The following GABRA3 variants were observed in gnomAD, a reference collection of about 807,000 sequenced individuals.
GABRA3 encodes gamma-aminobutyric acid receptor subunit alpha-3.
Under a neutral mutation model 30.1 loss-of-function variants are expected in GABRA3, and 10 were observed. The ratio of observed to expected loss-of-function variants is 0.33; its 90% confidence interval spans 0.20 to 0.56. The LOEUF is 0.56. Ranked by LOEUF, GABRA3 falls within the 20% of genes least tolerant of loss-of-function variation. GABRA3 has a pLI of 0.89. For synonymous variants in GABRA3, 151 were observed against 146.8 expected, an observed-to-expected ratio of 1.03 and a Z score of -0.21; for missense variants, 233 against 392.0, an observed-to-expected ratio of 0.59 and a Z score of 3.42.
At chrX:152,334,200 G>C (rs1940201540) in intron 3 of GABRA3, among the ~76,000 whole-genome samples, 3 of 111,521 alleles carry the variant, frequency 2.7e-5, no homozygotes, top group Admixed American at 1.9e-4. Flanking sequence ...ACTAGGAGTA[G>C]AAGAAAACTT....
chrX:152,235,423 T>C (rs1472314920), intron 5 of GABRA3, among the ~76,000 whole-genome samples: 2 of 111,223 alleles, frequency 1.8e-5, no homozygotes, highest in Non-Finnish European at 3.8e-5. Flanking sequence ...GACATCTAAA[T>C]AGGAAAGGAA....
intron 3 of GABRA3, among the ~76,000 whole-genome samples, chrX:152,310,938 T>G (rs1939790023): frequency 9.0e-6 from 1 of 111,324 alleles, no homozygotes; most frequent in Non-Finnish European, 1.9e-5. Context: ...AGCACCTCTA[T>G]GATCACAAAC....
At chrX:152,298,466 C>G (rs548260163) in intron 3 of GABRA3, among the ~76,000 whole-genome samples, 2 of 105,773 alleles carry the variant, frequency 1.9e-5, no homozygotes, top group Non-Finnish European at 3.9e-5. Flanking sequence ...TGAGTGAGAA[C>G]ATGCGGTGTT....
At position 152,257,570 on chromosome X, in the gene GABRA3, T is replaced by G. The variant is rs141426994; in HGVS notation, c.331-1572A>C. Among the ~76,000 whole-genome samples, 495 of 112,837 alleles carry G rather than the reference T, an allele frequency of 4.4e-3. 3 individuals carry two copies. The highest frequency in any genetic ancestry group is 0.015 in the African/African-American group (472 of 31,121). ...AGATTAGCCATTCTGGCATTTCTCT[T>G]CCTTTAGTAGACCAAAAACATTCCT... On this transcript the variant is annotated intron_variant, in intron 4 of 9. Transcript: ENST00000370314.
chrX:152,420,202 G>A (rs1423268687), intron 1 of GABRA3, among the ~76,000 whole-genome samples: 1 of 111,192 alleles, frequency 9.0e-6, no homozygotes, highest in Non-Finnish European at 1.9e-5. Context: ...TTTCCCCCAA[G>A]GTCAGGAATG....
At position 152,298,513 on chromosome X, in the gene GABRA3, T is replaced by C. The variant is rs7058336; in HGVS notation, c.263-13778A>G. On this transcript the variant is annotated intron_variant, in intron 3 of 9. Coordinates refer to ENST00000370314, the MANE Select transcript of GABRA3 (RefSeq NM_000808.4). ...CCTTGCGATAGTTTGCTGAGAATGATGGTTTCCAGCTTCATCCATGTCCCT... is the reference window on the plus strand; with the variant it reads ...CCTTGCGATAGTTTGCTGAGAATGACGGTTTCCAGCTTCATCCATGTCCCT... Among the ~76,000 whole-genome samples the C allele has an allele frequency of 8.8e-3, 969 of 109,839 alleles. 17 individuals carry two copies. The highest frequency in any genetic ancestry group is 0.03 in the African/African-American group (899 of 29,925).
At chrX:152,408,594 G>A (rs753144103) in intron 1 of GABRA3, among the ~76,000 whole-genome samples, 1 of 111,146 alleles carries the variant, frequency 9.0e-6, no homozygotes, top group Admixed American at 9.6e-5. Flanking sequence ...GATAGTTCAC[G>A]GATTTTAGAA....
intron 8 of GABRA3, among the ~76,000 whole-genome samples, chrX:152,190,726 TGTGA>T (rs1937313264): frequency 9.0e-6 from 1 of 110,652 alleles, no homozygotes; most frequent in Non-Finnish European, 1.9e-5. Flanking sequence ...ATCTGTTTCT[TGTGA>T]GTTTTTGCCA....
In GABRA3 at chrX:152,429,304, T is replaced by G. The variant is rs928311169; in HGVS notation, c.-27+21842A>C. 2.9e-5 allele frequency among the ~76,000 whole-genome samples: 3 copies of G among 103,949 alleles called. No homozygotes were observed. The Admixed American group carries it at 3.1e-4, about 11-fold the overall frequency. 90.3% of individuals were successfully genotyped at this position (103,949 alleles called of 115,157 possible). On this transcript the variant is annotated intron_variant, in intron 1 of 9. Transcript: ENST00000370314. ...CTCCCTCCCTCCCTCCCTCTCTTTC[T>G]CCAGATTACCATTTTAGCCAAAGCA...
intron 1 of GABRA3, among the ~76,000 whole-genome samples, chrX:152,449,149 A>G (rs1276484495): frequency 8.9e-6 from 1 of 112,278 alleles, no homozygotes; most frequent in Non-Finnish European, 1.9e-5. Flanking sequence ...ATTAAGAAAA[A>G]GCAAATTTGT....
chrX:152,352,631 T>G (rs1940495177), intron 2 of GABRA3, among the ~76,000 whole-genome samples: 1 of 111,744 alleles, frequency 8.9e-6, no homozygotes, highest in South Asian at 3.7e-4. Context: ...ACTTACTTCA[T>G]TAAAAGGATG....
At chrX:152,255,403 A>G (rs1277205079) in intron 5 of GABRA3, among the ~76,000 whole-genome samples, 1 of 112,123 alleles carries the variant, frequency 8.9e-6, no homozygotes, top group Non-Finnish European at 1.9e-5. Context: ...AGTTAAACCT[A>G]GTCAATTCTA....
chrX:152,405,753 C>CA (rs922206503), intron 1 of GABRA3, among the ~76,000 whole-genome samples: 5 of 111,538 alleles, frequency 4.5e-5, no homozygotes, highest in African/African-American at 9.8e-5. Context: ...AAGGAAGGAC[C>CA]CAGTCCTGGC....
chrX:152,434,778 G>C (rs956368149), intron 1 of GABRA3, among the ~76,000 whole-genome samples: 4 of 111,615 alleles, frequency 3.6e-5, no homozygotes, highest in Non-Finnish European at 7.5e-5. Flanking sequence ...AATAGACTTA[G>C]AAAGATCATT....
intron 1 of GABRA3, among the ~76,000 whole-genome samples, chrX:152,427,683 G>A (rs1452719333): frequency 8.9e-6 from 1 of 111,922 alleles, no homozygotes; most frequent in Non-Finnish European, 1.9e-5. Context: ...AGGTCTATCT[G>A]AGTCACCATT....
intron 6 of GABRA3, among the ~76,000 whole-genome samples, chrX:152,215,734 CAAAGT>C (rs1937707803): frequency 9.0e-6 from 1 of 111,286 alleles, no homozygotes; most frequent in African/African-American, 3.3e-5. Context: ...GCATTAAAAG[CAAAGT>C]AGAGATATGG....
In GABRA3 at chrX:152,168,077, G is replaced by A. The variant is rs199769856; in HGVS notation, c.*151C>T. On this transcript the variant is annotated 3_prime_UTR_variant, in exon 10 of 10. Transcript: ENST00000370314. ...TAATTTTTCTGTAGTTATTTTTTGC[G>A]TAGAGATTCATAAATATGAATTGAG... 8.8e-5 allele frequency: 41 copies of A among 466,840 alleles called. No homozygotes were observed. Among genetic ancestry groups the A allele is most frequent in the Non-Finnish European group, 1.1e-4 (31 of 273,956 alleles). The allele number at this position is 466,840 out of a possible 1,213,427, so 38.5% of individuals were successfully genotyped here.
chrX:152,259,118 C>T (rs1213100112), intron 4 of GABRA3, among the ~76,000 whole-genome samples: 1 of 111,772 alleles, frequency 8.9e-6, no homozygotes. Flanking sequence ...TGCCCTGTTA[C>T]AACAGAAAGC....
chrX:152,287,546 C>A (rs1051603063), intron 3 of GABRA3, among the ~76,000 whole-genome samples: 1 of 111,322 alleles, frequency 9.0e-6, no homozygotes, highest in South Asian at 3.8e-4. Flanking sequence ...CTTGAGGTAT[C>A]CCGAGCCATG....
Sources: allele counts gnomAD v4.1 joint callset (sites outside exome capture counted in the v4.1 genomes callset), GRCh38; gene constraint gnomAD v4.1.1; transcripts MANE v1.5; gene names NCBI Gene and HGNC (gene_info 2026-07-23, HGNC 2026-07-21).